PCDHGB1: variants seen among roughly 807,000 people sequenced by gnomAD.
The protein encoded by PCDHGB1 is protocadherin gamma subfamily B, 1.
PCDHGB1 carries 34 observed loss-of-function variants against 56.6 expected under a neutral mutation model. The ratio of observed to expected loss-of-function variants is 0.60; its 90% confidence interval spans 0.46 to 0.80. The LOEUF (loss-of-function observed/expected upper bound fraction) is 0.80, where lower values mean the gene tolerates loss of function less well. Ranked by LOEUF, PCDHGB1 falls within the 30% of genes least tolerant of loss-of-function variation. The pLI is 0.00. For synonymous variants in PCDHGB1, 561 were observed against 505.9 expected (o/e 1.11, Z -1.46); for missense variants, 1,278 against 1,204.6 (o/e 1.06, Z -0.90).
In PCDHGB1 at chr5:141,393,936, G is replaced by A. The variant is rs766829273; in HGVS notation, c.2409+41267G>A. On this transcript the variant is annotated intron_variant, in intron 1 of 3. Transcript: ENST00000523390. ...TGCCTTCTTGAGTGTGCATGACCAA[G>A]ACTCTGGAAAGAATGGTCAAGTTGT... 3 of 1,613,922 alleles carry A rather than the reference G, an allele frequency of 1.9e-6. No homozygotes were observed. In the Admixed American group the frequency reaches 5.0e-5, roughly 27 times the overall value.
At chr5:141,408,687 T>C (rs1394182828) in intron 1 of PCDHGB1, 3 of 1,613,928 alleles carry the variant, frequency 1.9e-6, no homozygotes, top group East Asian at 2.2e-5. Flanking sequence ...GATCCTGATA[T>C]AAACATAAAC....
chr5:141,446,222 G>C (rs74509878), intron 1 of PCDHGB1, among the ~76,000 whole-genome samples: 7,034 of 152,204 alleles, frequency 0.046, 244 homozygotes, highest in African/African-American at 0.093. Flanking sequence ...ATATTGTTGT[G>C]TTGCCTGGCA....
chr5:141,476,619 CTT>C lies in PCDHGB1; in HGVS notation c.2410-18186_2410-18185del. Reference sequence around the variant, plus strand: ...CACGATCCCGATGTGGGAAGCAACTCTTTACAAACCTATGAGCTGAGCCGAAA... The same window carrying C: ...CACGATCCCGATGTGGGAAGCAACTCTACAAACCTATGAGCTGAGCCGAAA... On this transcript the variant is annotated intron_variant, in intron 1 of 3. Transcript: ENST00000523390. This position sits in a 1 kb window ranked among gnomAD's most constrained non-coding sequence, Gnocchi z 7.6. The C allele has an allele frequency of 1.2e-6, 2 of 1,614,258 alleles. No homozygotes were observed. The highest frequency in any genetic ancestry group is 1.7e-6 in the Non-Finnish European group (2 of 1,180,052).
intron 1 of PCDHGB1, chr5:141,371,538 A>T: frequency 6.2e-7 from 1 of 1,613,804 alleles, no homozygotes; most frequent in Non-Finnish European, 8.5e-7. Context: ...TAATGGAGAA[A>T]TCCTATGCCA....
At position 141,350,114 on chromosome 5, in the gene PCDHGB1, C is replaced by T; in HGVS notation, c.-147C>T. 1 of 569,488 alleles carries T rather than the reference C, an allele frequency of 1.8e-6. No homozygotes were observed. Among genetic ancestry groups the T allele is most frequent in the Non-Finnish European group, 2.7e-6 (1 of 364,824 alleles). 35.3% of individuals were successfully genotyped at this position (569,488 alleles called of 1,614,324 possible). Reference sequence around the variant, plus strand: ...CAGGCAGGGTGCCTTCCTGCTTTGTCCGGTGCACTGAGCACAGACGCTGCT... The same window carrying T: ...CAGGCAGGGTGCCTTCCTGCTTTGTTCGGTGCACTGAGCACAGACGCTGCT... On this transcript the variant is annotated 5_prime_UTR_variant, in exon 1 of 4. Transcript: ENST00000523390.
At chr5:141,412,903 G>C (rs2095586511) in intron 1 of PCDHGB1, 1 of 376,030 alleles carries the variant, frequency 2.7e-6, no homozygotes, top group African/African-American at 2.1e-5. Context: ...ACTTTCCATT[G>C]CATGTATCAC....
chr5:141,390,222 G>C (rs758225583), intron 1 of PCDHGB1: 2 of 1,614,022 alleles, frequency 1.2e-6, no homozygotes, highest in Admixed American at 3.3e-5. Context: ...CATACTTTGC[G>C]GTGATTCATC....
At position 141,485,727 on chromosome 5, in the gene PCDHGB1, G is replaced by T. The variant is rs773176318; in HGVS notation, c.2410-9080G>T. The T allele has an allele frequency of 3.1e-6, 5 of 1,614,196 alleles. No homozygotes were observed. In the Admixed American group the frequency reaches 5.0e-5, roughly 16 times the overall value. Reference sequence around the variant, plus strand: ...CACTTTGCACTGGATGTGAAGAAGCGCAGCGACGGCAGCCTGGTCCCAGAG... The same window carrying T: ...CACTTTGCACTGGATGTGAAGAAGCTCAGCGACGGCAGCCTGGTCCCAGAG... On this transcript the variant is annotated intron_variant, in intron 1 of 3. Transcript: ENST00000523390. The surrounding 1 kb of genome is among the most constrained non-coding windows in gnomAD (Gnocchi z 5.7).
At chr5:141,418,050 G>T in intron 1 of PCDHGB1, 1 of 1,613,576 alleles carries the variant, frequency 6.2e-7, no homozygotes, top group Non-Finnish European at 8.5e-7. Context: ...GTGTCGGCTC[G>T]CGAGCTGCGA....
At chr5:141,423,750 T>TGG (rs144521096) in intron 1 of PCDHGB1, 9,462 of 287,056 alleles carry the variant, frequency 0.033, 140 homozygotes, top group African/African-American at 0.097. Flanking sequence ...GAAAACTGTT[T>TGG]GGGGGGGGGG....
At chr5:141,400,077 C>T in intron 1 of PCDHGB1, 4 of 1,614,040 alleles carry the variant, frequency 2.5e-6, no homozygotes, top group South Asian at 1.1e-5. Context: ...AGCCGCCACT[C>T]TCCGCCACCG....
Position 141,491,019 on chromosome 5 carries a change from A to G in PCDHGB1, c.2410-3788A>G. 5 of 1,614,116 alleles carry G rather than the reference A, an allele frequency of 3.1e-6. No individual in the cohort carries two copies. The highest frequency in any genetic ancestry group is 4.2e-6 in the Non-Finnish European group (5 of 1,180,026). ...CTGGCTCCTTGGTCACCAAGGTGAC[A>G]GCCGTGGATGCTGATGCAGGCCACA... On this transcript the variant is annotated intron_variant, in intron 1 of 3. Coordinates refer to ENST00000523390, the MANE Select transcript of PCDHGB1 (RefSeq NM_018922.3). This position sits in a 1 kb window ranked among gnomAD's most constrained non-coding sequence, Gnocchi z 6.9.
At chr5:141,372,708 G>T in intron 1 of PCDHGB1, 1 of 1,613,898 alleles carries the variant, frequency 6.2e-7, no homozygotes, top group Non-Finnish European at 8.5e-7. Context: ...CAATATAAAG[G>T]CTGAAAATGC....
intron 1 of PCDHGB1, chr5:141,423,762 G>T: frequency 2.3e-5 from 6 of 264,236 alleles, no homozygotes; most frequent in Non-Finnish European, 3.4e-5. Context: ...GGGGGGGGGT[G>T]GGGCGGCATA....
intron 1 of PCDHGB1, among the ~76,000 whole-genome samples, chr5:141,437,036 G>A (rs916860661): frequency 6.6e-6 from 1 of 152,294 alleles, no homozygotes; most frequent in Middle Eastern, 3.4e-3. Flanking sequence ...ATGGATCACC[G>A]AAACCAGAAG....
At chr5:141,410,196 C>T (rs773310778) in intron 1 of PCDHGB1, 3 of 1,613,984 alleles carry the variant, frequency 1.9e-6, no homozygotes, top group East Asian at 4.5e-5. Context: ...CTGGTCTTCG[C>T]AGACAACTTG....
chr5:141,364,722 C>G lies in PCDHGB1; in HGVS notation c.2409+12053C>G, dbSNP rs779536020. The G allele has an allele frequency of 8.1e-6, 13 of 1,613,884 alleles. No individual in the cohort carries two copies. The South Asian group carries it at 1.4e-4, about 18-fold the overall frequency. ...ATAATCGATATTAATGATAACTTCC[C>G]GCGTTTCCGGGATGAAGAGTTAAAA... is the stretch of plus-strand genomic sequence containing the variant. On this transcript the variant is annotated intron_variant, in intron 1 of 3. Transcript: ENST00000523390.
At chr5:141,365,440 C>G in intron 1 of PCDHGB1, 1 of 1,613,954 alleles carries the variant, frequency 6.2e-7, no homozygotes, top group Non-Finnish European at 8.5e-7. Context: ...CGCTGTTTAG[C>G]GTACATGATG....
At chr5:141,440,399 A>T (rs1215824479) in intron 1 of PCDHGB1, 1 of 152,164 alleles carries the variant, frequency 6.6e-6, no homozygotes, top group Non-Finnish European at 1.5e-5. Context: ...CCGAGAGGCA[A>T]TCGCACCACT....
Sources: gnomAD v4.1 joint callset for allele counts (sites outside exome capture counted in the v4.1 genomes callset) on GRCh38, gnomAD v4.1.1 for gene constraint, Gnocchi (gnomAD v3.1) non-coding constraint, MANE v1.5 for transcripts, NCBI Gene and HGNC (gene_info 2026-07-23, HGNC 2026-07-21) for gene names.